The following MGA variants were observed in gnomAD, a reference collection of about 807,000 sequenced individuals.
MGA encodes the protein MAX gene-associated protein.
A neutral mutation model predicts 261.1 loss-of-function variants in MGA; 40 were observed. That is an observed-to-expected ratio of 0.15 (90% CI 0.12 to 0.20). The LOEUF (loss-of-function observed/expected upper bound fraction) is 0.20. Ranked by LOEUF, MGA falls within the 10% of genes least tolerant of loss-of-function variation. The pLI, the probability that MGA is intolerant of heterozygous loss-of-function variation, is 1.00. For missense variants in MGA, 3,397 were observed against 3,630.5 expected (o/e 0.94, Z 1.65); for synonymous variants, 1,302 against 1,290.6 (o/e 1.01, Z -0.19).
intron 15 of MGA, among the ~76,000 whole-genome samples, chr15:41,746,510 A>G (rs2062483748): frequency 7.1e-6 from 1 of 141,810 alleles, no homozygotes; most frequent in Non-Finnish European, 1.5e-5. Context: ...TTGCCATTGC[A>G]CTCCAGCCTG....
intron 7 of MGA, among the ~76,000 whole-genome samples, chr15:41,708,526 C>G (rs894854399): frequency 1.3e-5 from 2 of 152,172 alleles, no homozygotes; most frequent in Admixed American, 6.5e-5. Context: ...ACCATGTTGG[C>G]CAGGCTGGTC....
intron 9 of MGA, among the ~76,000 whole-genome samples, chr15:41,721,638 A>G (rs2060942404): frequency 6.6e-6 from 1 of 152,226 alleles, no homozygotes; most frequent in African/African-American, 2.4e-5. Context: ...GGAAATCCAA[A>G]TTAAATCCAT....
chr15:41,749,777 A>G lies in MGA; in HGVS notation c.6170A>G (p.His2057Arg), dbSNP rs1422879332. 1 of 1,614,026 alleles carries G rather than the reference A, an allele frequency of 6.2e-7. No individual in the cohort carries two copies. The highest frequency in any genetic ancestry group is 1.1e-5 in the South Asian group (1 of 91,084). ...GAGCATTCCTGTATCACTGGGTCACATACAGATCAAGATTATAAAGATGTT... is the reference window on the plus strand; with the variant it reads ...GAGCATTCCTGTATCACTGGGTCACGTACAGATCAAGATTATAAAGATGTT... Residue 2057 changes from histidine to arginine, a missense_variant, in exon 17 of 24, where the codon CAT becomes CGT. By Grantham distance (29) the His-to-Arg change is conservative. Transcript: ENST00000219905.
At position 41,754,003 on chromosome 15, in the gene MGA, C is replaced by T. The variant is rs148668191; in HGVS notation, c.7009-434C>T. ...GTGCAGTCTTGGGTCACTGCAGCCT[C>T]GAACTCCTGGCCTCAAGCAATCCTC... On this transcript the variant is annotated intron_variant, in intron 17 of 23. Coordinates refer to ENST00000219905, the MANE Select transcript of MGA (RefSeq NM_001164273.2). Among the ~76,000 whole-genome samples the T allele has an allele frequency of 5.7e-3, 873 of 152,214 alleles. 9 individuals are homozygous for T. The highest frequency in any genetic ancestry group is 0.02 in the African/African-American group (816 of 41,530).
At position 41,736,557 on chromosome 15, in the gene MGA, T is replaced by G. The variant is rs1319603155; in HGVS notation, c.4293T>G (p.Pro1431=). The G allele has an allele frequency of 3.7e-6, 6 of 1,614,068 alleles. No individual in the cohort carries two copies. In the South Asian group the frequency reaches 4.4e-5, roughly 12 times the overall value. The change falls in exon 13 of 24, where the codon CCT becomes CCG. Residue 1431 remains proline, a synonymous_variant. Coordinates refer to ENST00000219905, the MANE Select transcript of MGA (RefSeq NM_001164273.2). The stretch of plus-strand genomic sequence containing the variant: ...CTGGGAAAATGGAGGATATCTCTCC[T>G]GTGCAGACAGATGCCCTGGATTCAG...
intron 2 of MGA, among the ~76,000 whole-genome samples, chr15:41,679,264 T>A (rs1420585265): frequency 6.6e-6 from 1 of 152,164 alleles, no homozygotes; most frequent in East Asian, 1.9e-4. Flanking sequence ...CTTAAACCCC[T>A]GACCTTGTGA....
At chr15:41,661,144 A>G (rs1265827474) in intron 1 of MGA, among the ~76,000 whole-genome samples, 1 of 152,196 alleles carries the variant, frequency 6.6e-6, no homozygotes, top group Non-Finnish European at 1.5e-5. Flanking sequence ...GGGACTTGGT[A>G]AACAAAGGAC....
chr15:41,699,602 T>C (rs2412626), intron 5 of MGA, among the ~76,000 whole-genome samples: 147,036 of 152,290 alleles, frequency 0.97, 71,209 homozygotes, highest in East Asian at 1. Flanking sequence ...CCTGGGTTCA[T>C]GCCATTCTCC....
intron 7 of MGA, among the ~76,000 whole-genome samples, chr15:41,709,932 C>T (rs1196239557): frequency 1.3e-5 from 2 of 151,892 alleles, no homozygotes; most frequent in African/African-American, 2.4e-5. Flanking sequence ...AGCAATTCTC[C>T]TGCTTCAGCC....
In MGA at chr15:41,641,537, T is replaced by A. The variant is rs1212024539; in HGVS notation, c.-68+20239T>A. Among the ~76,000 whole-genome samples the A allele has an allele frequency of 3.3e-5, 5 of 149,848 alleles. No homozygotes were observed. The East Asian group carries it at 1.0e-3, about 30-fold the overall frequency. On this transcript the variant is annotated intron_variant, in intron 1 of 8. Coordinates refer to the MGA transcript ENST00000566718. ...AAGGAGTCTTGCTCTGTTGCCAGGC[T>A]GGAGTGCAGTGGCGTAATCTTAGCT...
Position 41,713,355 on chromosome 15 carries a change from A to G in MGA, c.3289A>G (p.Lys1097Glu). The change falls in exon 9 of 24, where the codon AAG (lysine) becomes GAG (glutamate). Residue 1097 changes from lysine (K) to glutamate (E), a missense_variant. By Grantham distance (56) the Lys-to-Glu change is moderately conservative (BLOSUM62 1). Transcript: ENST00000219905. ...ACTTGTTAAAGGAGGATCCAAAACTAAGCATTTTCAGAGGAAGGCTGCTCA... is the reference window on the plus strand; with the variant it reads ...ACTTGTTAAAGGAGGATCCAAAACTGAGCATTTTCAGAGGAAGGCTGCTCA... 6.2e-7 allele frequency: 1 copy of G among 1,613,842 alleles called. No homozygotes were observed. The highest frequency in any genetic ancestry group is 8.5e-7 in the Non-Finnish European group (1 of 1,179,798).
chr15:41,698,927 C>T lies in MGA; in HGVS notation c.2078C>T (p.Thr693Ile), dbSNP rs2059688925. ...GAATCTTCTAGTCTCCAGGCATCAA[C>T]CACAAATGACTCAGGTATTATAAAA... Residue 693 changes from threonine to isoleucine, a missense_variant, in exon 4 of 24, where the codon ACC (threonine) becomes ATC (isoleucine). By Grantham distance (89) the Thr-to-Ile change is moderately conservative. Around this residue, in one of 9 missense-constraint regions of MGA, gnomAD observed 563 missense variants for 563.6 expected, o/e 1.00. Coordinates refer to ENST00000219905, the MANE Select transcript of MGA (RefSeq NM_001164273.2). The T allele has an allele frequency of 1.3e-6, 2 of 1,550,290 alleles. No homozygotes were observed. The highest frequency in any genetic ancestry group is 2.4e-5 in the East Asian group (1 of 40,878).
intron 2 of MGA, among the ~76,000 whole-genome samples, chr15:41,671,846 A>G (rs1249338780): frequency 2.0e-5 from 3 of 152,182 alleles, no homozygotes; most frequent in South Asian, 4.1e-4. Context: ...AGCAGGAGGA[A>G]GTGCTGCTCA....
At chr15:41,733,239 G>A (rs2061603636) in intron 11 of MGA, among the ~76,000 whole-genome samples, 1 of 152,092 alleles carries the variant, frequency 6.6e-6, no homozygotes, top group Non-Finnish European at 1.5e-5. Context: ...TTACAGGCGT[G>A]AGCCACAACA....
chr15:41,653,294 G>C (rs769846646), intron 1 of MGA, among the ~76,000 whole-genome samples: 1 of 151,358 alleles, frequency 6.6e-6, no homozygotes, highest in Non-Finnish European at 1.5e-5. Context: ...GCTTGAACCC[G>C]GGAGGCCAAG....
chr15:41,732,907 G>T (rs1289624016), intron 11 of MGA, among the ~76,000 whole-genome samples: 1 of 152,120 alleles, frequency 6.6e-6, no homozygotes, highest in Non-Finnish European at 1.5e-5. Context: ...TTAAAAATTG[G>T]AACCAAGGGC....
Position 41,708,894 on chromosome 15 carries a change from C to T in MGA, c.2425+686C>T, listed in dbSNP as rs181804896. ...TTTTGACTGTATCCCTCTTGGTCTCCGTTCTTAGTGCTTTTCCTTGTTCAC... is the reference window on the plus strand; with the variant it reads ...TTTTGACTGTATCCCTCTTGGTCTCTGTTCTTAGTGCTTTTCCTTGTTCAC... On this transcript the variant is annotated intron_variant, in intron 7 of 23. Transcript: ENST00000219905. 1.6e-4 allele frequency among the ~76,000 whole-genome samples: 25 copies of T among 152,264 alleles called. No homozygotes were observed. In the East Asian group the frequency reaches 3.3e-3, roughly 20 times the overall value.
chr15:41,707,891 T>G (rs535730004), intron 6 of MGA, 32 bp downstream of exon 6: 1 of 1,588,266 alleles, frequency 6.3e-7, no homozygotes, highest in African/African-American at 1.4e-5. Context: ...AGTCAAACAC[T>G]ATTTTTCTTG....
At chr15:41,663,050 A>G (rs1222379731) in intron 1 of MGA, among the ~76,000 whole-genome samples, 1 of 152,218 alleles carries the variant, frequency 6.6e-6, no homozygotes, top group Non-Finnish European at 1.5e-5. Flanking sequence ...AAACTAGTGT[A>G]TTTTGTGAGT....
Sources: allele counts gnomAD v4.1 joint callset (sites outside exome capture counted in the v4.1 genomes callset), GRCh38; gene constraint gnomAD v4.1.1; regional missense constraint gnomAD v4.1.1; transcripts MANE v1.5; gene names NCBI Gene and HGNC (gene_info 2026-07-23, HGNC 2026-07-21).